PIP5K1C: variants seen among roughly 807,000 people sequenced by gnomAD.
PIP5K1C encodes phosphatidylinositol 4-phosphate 5-kinase type-1 gamma.
Under a neutral mutation model 80.1 loss-of-function variants are expected in PIP5K1C, and 45 were observed. The ratio of observed to expected loss-of-function variants is 0.56; its 90% CI spans 0.44 to 0.72. The LOEUF (loss-of-function observed/expected upper bound fraction) is 0.72. Ranked by LOEUF, PIP5K1C falls within the 30% of genes least tolerant of loss-of-function variation. The pLI is 0.00. For synonymous variants in PIP5K1C, 498 were observed against 420.1 expected, an observed-to-expected ratio of 1.19 and a Z score of -2.27; for missense variants, 753 against 954.6, an observed-to-expected ratio of 0.79 and a Z score of 2.78.
At position 3,695,530 on chromosome 19, in the gene PIP5K1C, C is replaced by T. The variant is rs1309597840; in HGVS notation, c.94+4767G>A. Among the ~76,000 whole-genome samples the T allele has an allele frequency of 4.6e-5, 7 of 152,310 alleles. No homozygotes were observed. In the South Asian group the frequency reaches 6.2e-4, roughly 14 times the overall value. ...CACATCCCCGGCTGGCATGCAATGGCGCTGGGTGTGAACCCAGGAGGGCCG... is the reference window on the plus strand; with the variant it reads ...CACATCCCCGGCTGGCATGCAATGGTGCTGGGTGTGAACCCAGGAGGGCCG... On this transcript the variant is annotated intron_variant, in intron 1 of 17. Transcript: ENST00000335312.
At chr19:3,651,764 G>T in intron 8 of PIP5K1C, 62 bp downstream of exon 8, 1 of 1,492,780 alleles carries the variant, frequency 6.7e-7, no homozygotes, top group South Asian at 1.1e-5. Flanking sequence ...GGACGGGGAT[G>T]GGGAACTGGA....
In PIP5K1C at chr19:3,687,558, C is replaced by T. The variant is rs113922457; in HGVS notation, c.94+12739G>A. Among the ~76,000 whole-genome samples the T allele has an allele frequency of 5.9e-3, 865 of 146,574 alleles. 5 individuals are homozygous for T. The highest frequency in any genetic ancestry group is 0.02 in the African/African-American group (811 of 40,192). ...ACACACATACATGCACACATGCACACGCACACACATGCACACGCACACACA... is the reference window on the plus strand; with the variant it reads ...ACACACATACATGCACACATGCACATGCACACACATGCACACGCACACACA... On this transcript the variant is annotated intron_variant, in intron 1 of 17. Coordinates refer to ENST00000335312, the MANE Select transcript of PIP5K1C (RefSeq NM_012398.3).
Position 3,661,861 on chromosome 19 carries a change from C to A in PIP5K1C, c.350+10G>T. 2 of 1,610,814 alleles carry A rather than the reference C, an allele frequency of 1.2e-6. No homozygotes were observed. The highest frequency in any genetic ancestry group is 1.7e-6 in the Non-Finnish European group (2 of 1,179,898). On this transcript the variant is annotated intron_variant, in intron 4 of 17. Transcript: ENST00000335312. ...TGGGTGAGCCCTGAGGCTCCGGGGG[C>A]CCGGCCCACCTGGGGAAGAAGATGC...
chr19:3,638,018 G>C, intron 16 of PIP5K1C: 1 of 1,499,212 alleles, frequency 6.7e-7, no homozygotes, highest in Non-Finnish European at 8.9e-7. Flanking sequence ...TGGAGACAGA[G>C]CAGGGGAGTT....
chr19:3,693,987 C>T (rs887176888), intron 1 of PIP5K1C, among the ~76,000 whole-genome samples: 2 of 150,900 alleles, frequency 1.3e-5, no homozygotes, highest in Admixed American at 1.3e-4. Flanking sequence ...CTGAGGCGGG[C>T]GGATCACCAG....
At chr19:3,673,494 G>A (rs2035272645) in intron 1 of PIP5K1C, among the ~76,000 whole-genome samples, 1 of 152,210 alleles carries the variant, frequency 6.6e-6, no homozygotes, top group Non-Finnish European at 1.5e-5. Context: ...GGGCGGCAGT[G>A]GGACCCAGGT....
chr19:3,696,417 T>C lies in PIP5K1C; in HGVS notation c.94+3880A>G, dbSNP rs1165511785. Among the ~76,000 whole-genome samples, 1 of 152,100 alleles carries C rather than the reference T, an allele frequency of 6.6e-6. No homozygotes were observed. The highest frequency in any genetic ancestry group is 1.5e-5 in the Non-Finnish European group (1 of 68,024). On this transcript the variant is annotated intron_variant, in intron 1 of 17. Transcript: ENST00000335312. This position sits in a 1 kb window ranked among gnomAD's most constrained non-coding sequence, Gnocchi z 4.1. ...GAAAACACGTCAGCAGAGCCATATG[T>C]TTCAGGTGGTGACAAACGCTATGGT...
chr19:3,700,250 C>A, intron 1 of PIP5K1C, 47 bp downstream of exon 1: 1 of 1,075,802 alleles, frequency 9.3e-7, no homozygotes, highest in South Asian at 3.3e-5. Context: ...ACTCTCGGCG[C>A]TCGGACGAGC....
chr19:3,667,899 G>T (rs2035066334), intron 1 of PIP5K1C, among the ~76,000 whole-genome samples: 1 of 152,332 alleles, frequency 6.6e-6, no homozygotes, highest in Admixed American at 6.5e-5. Flanking sequence ...GGCGAGGGCA[G>T]GCTGGAGTTG....
chr19:3,697,053 ACCGGGGAGGACCGAG>A (rs2036134953), intron 1 of PIP5K1C, among the ~76,000 whole-genome samples: 3 of 151,560 alleles, frequency 2.0e-5, no homozygotes, highest in African/African-American at 7.3e-5. Context: ...ACTGAGCTGG[ACCGGGGAGGACCGAG>A]CTGGACCAAG....
chr19:3,644,315 G>A, intron 11 of PIP5K1C, 64 bp from the exon 12 acceptor site: 1 of 1,544,800 alleles, frequency 6.5e-7, no homozygotes. Context: ...GCCCAGACAG[G>A]GCCGCCGCCC....
chr19:3,659,334 G>A (rs534640613), intron 5 of PIP5K1C, among the ~76,000 whole-genome samples: 6 of 152,348 alleles, frequency 3.9e-5, no homozygotes, highest in Admixed American at 6.5e-5. Flanking sequence ...AGAAGGATTC[G>A]GGGGTCACCA....
At position 3,687,117 on chromosome 19, in the gene PIP5K1C, C is replaced by T. The variant is rs118090299; in HGVS notation, c.94+13180G>A. Among the ~76,000 whole-genome samples the T allele has an allele frequency of 8.8e-3, 1,345 of 152,184 alleles. 14 individuals are homozygous for T. The highest frequency in any genetic ancestry group is 0.02 in the Middle Eastern group (6 of 294). On this transcript the variant is annotated intron_variant, in intron 1 of 17. Transcript: ENST00000335312. Reference sequence around the variant, plus strand: ...CTGAAGAAGAAGATTGGCTTGAACCCGGGAGGCAGACGTTGCAGTGGGCTG... The same window carrying T: ...CTGAAGAAGAAGATTGGCTTGAACCTGGGAGGCAGACGTTGCAGTGGGCTG...
At chr19:3,700,155 G>A (rs2145642222) in intron 1 of PIP5K1C, 142 bp downstream of exon 1, 1 of 335,764 alleles carries the variant, frequency 3.0e-6, no homozygotes. Context: ...CGCGGCTCCA[G>A]GGGACTGCCC....
intron 1 of PIP5K1C, among the ~76,000 whole-genome samples, chr19:3,691,877 G>C (rs2035961403): frequency 6.6e-6 from 1 of 152,192 alleles, no homozygotes; most frequent in African/African-American, 2.4e-5. Context: ...GGCCGGGAGA[G>C]TGGGGATGTT....
chr19:3,681,232 CTTT>C (rs532928248), intron 1 of PIP5K1C, among the ~76,000 whole-genome samples: 9 of 139,932 alleles, frequency 6.4e-5, no homozygotes, highest in Admixed American at 2.2e-4. Context: ...ACCCTGTCCA[CTTT>C]TTTTTTTTTT....
At chr19:3,658,997 G>T (rs1424186714) in intron 5 of PIP5K1C, among the ~76,000 whole-genome samples, 1 of 152,082 alleles carries the variant, frequency 6.6e-6, no homozygotes, top group Non-Finnish European at 1.5e-5. Flanking sequence ...CACTGGGCAG[G>T]GCTGAGCCCC....
At chr19:3,687,164 G>C (rs776042952) in intron 1 of PIP5K1C, among the ~76,000 whole-genome samples, 24 of 152,290 alleles carry the variant, frequency 1.6e-4, no homozygotes, top group Non-Finnish European at 3.1e-4. Flanking sequence ...CTGCACTCCA[G>C]CCTGGGTGAA....
Position 3,639,002 on chromosome 19 carries a change from G to T in PIP5K1C, c.1802C>A (p.Pro601Gln), listed in dbSNP as rs542277629. The change falls in exon 16 of 18, where the codon CCG (proline) becomes CAG (glutamine). Residue 601 changes from proline (P) to glutamine (Q), a missense_variant. Coordinates refer to ENST00000335312, the MANE Select transcript of PIP5K1C (RefSeq NM_012398.3). ...TTCAACAGCAGCAGAGGCACCGGCC[G>T]GGGAAGCCTCCACCCTGGGGACAGG... is the stretch of plus-strand genomic sequence containing the variant. ...KEEDAGVEAS[P>Q]AGASAAVEVE... The T allele has an allele frequency of 3.7e-6, 6 of 1,611,194 alleles. No individual in the cohort carries two copies. The South Asian group carries it at 5.5e-5, about 15-fold the overall frequency.
Sources: gnomAD v4.1 joint callset for allele counts (sites outside exome capture counted in the v4.1 genomes callset) on GRCh38, gnomAD v4.1.1 for gene constraint, Gnocchi (gnomAD v3.1) non-coding constraint, MANE v1.5 for transcripts, NCBI Gene and HGNC (gene_info 2026-07-23, HGNC 2026-07-21) for gene names.